CDH12: variants seen among roughly 807,000 people sequenced by gnomAD.
CDH12 encodes cadherin-12.
In CDH12, 41 loss-of-function variants were observed where a neutral mutation model predicts 74.1. That is an observed-to-expected ratio of 0.55 (90% confidence interval 0.43 to 0.72). CDH12 has a LOEUF of 0.72. Ranked by LOEUF, CDH12 falls within the 30% of genes least tolerant of loss-of-function variation. The pLI is 0.00. For missense variants in CDH12, 945 were observed against 977.2 expected, an observed-to-expected ratio of 0.97 and a Z score of 0.44; for synonymous variants, 399 against 355.0, an observed-to-expected ratio of 1.12 and a Z score of -1.39.
intron 6 of CDH12, among the ~76,000 whole-genome samples, chr5:21,862,549 T>C (rs114622551): frequency 1.3e-5 from 2 of 152,288 alleles, no homozygotes; most frequent in Non-Finnish European, 2.9e-5. Context: ...TGTTAATTCA[T>C]TCATGTCTTC....
chr5:22,093,206 G>A (rs1743538432), intron 4 of CDH12, among the ~76,000 whole-genome samples: 1 of 152,116 alleles, frequency 6.6e-6, no homozygotes, highest in African/African-American at 2.4e-5. Flanking sequence ...TAGCAGGTGT[G>A]GGGTGAGGTT....
At chr5:22,499,500 C>T (rs759901933) in intron 2 of CDH12, among the ~76,000 whole-genome samples, 7 of 151,948 alleles carry the variant, frequency 4.6e-5, no homozygotes, top group Non-Finnish European at 7.4e-5. Flanking sequence ...TCAAGAAAAA[C>T]GAAGTGCAAT....
intron 5 of CDH12, among the ~76,000 whole-genome samples, chr5:22,004,968 AC>A (rs1736852311): frequency 6.6e-6 from 1 of 152,174 alleles, no homozygotes. Context: ...GCTGCAAAAC[AC>A]ACGATTTTAT....
chr5:22,302,480 C>T (rs1021478798), intron 3 of CDH12, among the ~76,000 whole-genome samples: 2 of 152,016 alleles, frequency 1.3e-5, no homozygotes, highest in Non-Finnish European at 2.9e-5. Flanking sequence ...TATTGAATTC[C>T]GCCTTGGATA....
chr5:21,855,802 T>C (rs1750727383), intron 6 of CDH12, among the ~76,000 whole-genome samples: 1 of 151,662 alleles, frequency 6.6e-6, no homozygotes, highest in Non-Finnish European at 1.5e-5. Context: ...GCCTTTTCTC[T>C]AAGAGTACAA....
At chr5:22,194,435 G>A (rs1399444917) in intron 4 of CDH12, among the ~76,000 whole-genome samples, 6 of 151,402 alleles carry the variant, frequency 4.0e-5, no homozygotes, top group African/African-American at 1.2e-4. Flanking sequence ...GGGTTCAAGC[G>A]ATTCTCCTGC....
chr5:22,520,084 C>G (rs962210771), intron 1 of CDH12, among the ~76,000 whole-genome samples: 7 of 151,834 alleles, frequency 4.6e-5, no homozygotes, highest in African/African-American at 1.7e-4. Context: ...GATTTTGGAG[C>G]AGAAACAAGG....
intron 1 of CDH12, among the ~76,000 whole-genome samples, chr5:22,732,467 TATATACACAC>T (rs77335490): frequency 0.024 from 3,399 of 139,760 alleles, 49 homozygotes; most frequent in Non-Finnish European, 0.035. Flanking sequence ...TATATATATA[TATATACACAC>T]ACACACACAC....
intron 10 of CDH12, among the ~76,000 whole-genome samples, chr5:21,796,641 CTA>C (rs1045490277): frequency 6.6e-6 from 1 of 151,794 alleles, no homozygotes; most frequent in Non-Finnish European, 1.5e-5. Context: ...ATTAAATAAT[CTA>C]TTTTTTTAAT....
intron 1 of CDH12, among the ~76,000 whole-genome samples, chr5:22,561,019 C>G (rs1204717748): frequency 6.6e-6 from 1 of 152,120 alleles, no homozygotes; most frequent in Non-Finnish European, 1.5e-5. Flanking sequence ...TCACAAATCC[C>G]TCTTTTACAT....
At chr5:22,599,144 C>T (rs1290543161) in intron 1 of CDH12, among the ~76,000 whole-genome samples, 1 of 152,138 alleles carries the variant, frequency 6.6e-6, no homozygotes, top group Non-Finnish European at 1.5e-5. Context: ...TATCCTACAC[C>T]TATATATGGT....
chr5:22,042,543 A>G (rs1739643141), intron 5 of CDH12, among the ~76,000 whole-genome samples: 1 of 152,164 alleles, frequency 6.6e-6, no homozygotes, highest in Admixed American at 6.5e-5. Flanking sequence ...GAAAACCTAG[A>G]ACAATTATAT....
intron 6 of CDH12, among the ~76,000 whole-genome samples, chr5:21,860,628 AGTCAGAATAAGGTG>A (rs1312415704): frequency 5.3e-5 from 8 of 152,094 alleles, no homozygotes; most frequent in African/African-American, 1.9e-4. Flanking sequence ...AGAATAAAGC[AGTCAGAATAAGGTG>A]GAAGGAGCTG....
intron 1 of CDH12, among the ~76,000 whole-genome samples, chr5:22,789,518 G>A (rs1400524394): frequency 6.6e-6 from 1 of 152,000 alleles, no homozygotes; most frequent in Non-Finnish European, 1.5e-5. Context: ...GGTTAAAAGA[G>A]ATAAATTTAT....
rs943514976 is a variant in CDH12, at chr5:22,803,114, G to C, written c.-523+49944C>G. 3.9e-5 allele frequency among the ~76,000 whole-genome samples: 6 copies of C among 152,180 alleles called. No individual in the cohort carries two copies. The East Asian group carries it at 1.2e-3, about 30-fold the overall frequency. On this transcript the variant is annotated intron_variant, in intron 1 of 14. Transcript: ENST00000382254. ...GGCTTTTATCAATGGGAACATATTT[G>C]CTCTGTCTCAAAGTCTTTTCTGAAC... is the stretch of plus-strand genomic sequence containing the variant.
intron 2 of CDH12, among the ~76,000 whole-genome samples, chr5:22,474,469 G>T (rs1197202851): frequency 6.6e-6 from 1 of 152,088 alleles, no homozygotes; most frequent in African/African-American, 2.4e-5. Context: ...TAACTGAGTG[G>T]TCAAATAGAC....
intron 6 of CDH12, among the ~76,000 whole-genome samples, chr5:21,871,264 A>C (rs1033827991): frequency 6.6e-6 from 1 of 152,202 alleles, no homozygotes; most frequent in Non-Finnish European, 1.5e-5. Context: ...CAGATTAACC[A>C]TTAAACAATT....
intron 6 of CDH12, among the ~76,000 whole-genome samples, chr5:21,903,761 T>C (rs1157836296): frequency 1.3e-5 from 2 of 151,506 alleles, no homozygotes; most frequent in Non-Finnish European, 1.5e-5. Flanking sequence ...AAATGAACAA[T>C]AGAAGTCAAA....
At chr5:21,814,699 A>AT (rs1747945852) in intron 9 of CDH12, among the ~76,000 whole-genome samples, 1 of 150,404 alleles carries the variant, frequency 6.6e-6, no homozygotes, top group Non-Finnish European at 1.5e-5. Flanking sequence ...TCTAGAATTG[A>AT]ATCTTTCGTA....
Sources: gnomAD v4.1 joint callset for allele counts (sites outside exome capture counted in the v4.1 genomes callset) on GRCh38, gnomAD v4.1.1 for gene constraint, MANE v1.5 for transcripts, NCBI Gene and HGNC (gene_info 2026-07-23, HGNC 2026-07-21) for gene names.